The following TELO2 variants were observed in gnomAD, a reference collection of about 807,000 sequenced individuals.
TELO2 encodes the protein telomere length regulation protein TEL2 homolog.
A neutral mutation model predicts 91.0 loss-of-function variants in TELO2; 71 were observed. That is an observed-to-expected ratio of 0.78 (90% CI 0.64 to 0.95). The LOEUF is 0.95. Among genes scored for constraint, TELO2 ranks in the 40% least tolerant of loss-of-function variants. The probability of loss-of-function intolerance (pLI) is 0.00; values close to 1 mark genes in which losing one functional copy is unlikely to be tolerated. For missense variants in TELO2, 1,183 were observed against 1,141.3 expected, an observed-to-expected ratio of 1.04 and a Z score of -0.53; for synonymous variants, 584 against 518.9, an observed-to-expected ratio of 1.13 and a Z score of -1.71.
chr16:1,500,716 C>G lies in TELO2; in HGVS notation c.1281+17C>G, dbSNP rs755227841. 6.2e-7 allele frequency: 1 copy of G among 1,611,102 alleles called. No homozygotes were observed. Among genetic ancestry groups the G allele is most frequent in the Non-Finnish European group, 8.5e-7 (1 of 1,179,562 alleles). On this transcript the variant is annotated intron_variant, in intron 9 of 20. Coordinates refer to ENST00000262319, the MANE Select transcript of TELO2 (RefSeq NM_016111.4). ...AAATTCCAGGTGAGCGGGCCGTCCCCTCCGCGTCCCCGTGTGGCTGGCCCG... is the reference window on the plus strand; with the variant it reads ...AAATTCCAGGTGAGCGGGCCGTCCCGTCCGCGTCCCCGTGTGGCTGGCCCG...
chr16:1,501,076 T>A (rs2039660952), intron 9 of TELO2, among the ~76,000 whole-genome samples: 3 of 152,194 alleles, frequency 2.0e-5, no homozygotes, highest in Non-Finnish European at 1.5e-5. Flanking sequence ...GCCGGCTGCC[T>A]GGCCATGGAG....
chr16:1,497,619 C>A lies in TELO2; in HGVS notation c.830+111C>A. On this transcript the variant is annotated intron_variant, in intron 5 of 20. Coordinates refer to ENST00000262319, the MANE Select transcript of TELO2 (RefSeq NM_016111.4). The surrounding 1 kb of genome is among the most constrained non-coding windows in gnomAD (Gnocchi z 4.0). Reference sequence around the variant, plus strand: ...GGGCGCCGTGCTGCAGCTGGCACCCCCATGTAGGTGCCACAGGGTGTGGGT... The same window carrying A: ...GGGCGCCGTGCTGCAGCTGGCACCCACATGTAGGTGCCACAGGGTGTGGGT... 1.4e-6 allele frequency: 2 copies of A among 1,385,206 alleles called. No homozygotes were observed. Among genetic ancestry groups the A allele is most frequent in the Non-Finnish European group, 1.9e-6 (2 of 1,043,930 alleles). 85.8% of individuals were successfully genotyped at this position (1,385,206 alleles called of 1,614,324 possible).
chr16:1,509,502 G>A (rs1329457332), intron 20 of TELO2, among the ~76,000 whole-genome samples: 1 of 152,228 alleles, frequency 6.6e-6, no homozygotes, highest in African/African-American at 2.4e-5. Flanking sequence ...TTCCACCTCC[G>A]ACCACAGCCC....
chr16:1,499,118 G>T (rs2039588783), intron 5 of TELO2, 113 bp from the exon 6 acceptor site: 6 of 1,030,064 alleles, frequency 5.8e-6, no homozygotes, highest in Non-Finnish European at 8.9e-6. Flanking sequence ...CTCGTGGCTA[G>T]GAATTGGCAG....
rs79025904 is a variant in TELO2 at position 1,505,081 on chromosome 16, C to T, written c.1843-329C>T. On this transcript the variant is annotated intron_variant, in intron 15 of 20. Transcript: ENST00000262319. The surrounding 1 kb of genome is among the most constrained non-coding windows in gnomAD (Gnocchi z 4.3). ...CCGCCCGTGGCACGTGCCGCTGCAG[C>T]GTTGCTTTTGCTGTGAGGCCGACTT... 4.6e-3 allele frequency: 1,303 copies of T among 283,062 alleles called. 22 individuals are homozygous for T. The highest frequency in any genetic ancestry group is 0.026 in the African/African-American group (1,226 of 46,910). The allele number at this position is 283,062 out of a possible 1,614,324, so 17.5% of individuals were successfully genotyped here.
intron 3 of TELO2, among the ~76,000 whole-genome samples, chr16:1,496,063 G>A (rs770259624): frequency 3.3e-5 from 5 of 152,244 alleles, no homozygotes; most frequent in African/African-American, 7.2e-5. Context: ...TTTCACTAGC[G>A]AGAAGGAGGC....
At chr16:1,499,659 C>G (rs933250804) in intron 6 of TELO2, among the ~76,000 whole-genome samples, 6 of 152,088 alleles carry the variant, frequency 3.9e-5, no homozygotes, top group Admixed American at 2.6e-4. Context: ...TCGTGCATTT[C>G]CGGGACTTAT....
rs756336612 is a variant in TELO2, at chr16:1,494,248, C to A, written c.-34C>A. On this transcript the variant is annotated splice_region_variant and 5_prime_UTR_variant, in exon 2 of 21. Coordinates refer to ENST00000262319, the MANE Select transcript of TELO2 (RefSeq NM_016111.4). The surrounding 1 kb of genome is among the most constrained non-coding windows in gnomAD (Gnocchi z 5.6). ...TGAGCCCTGTGTCCATGTCACAGGT[C>A]GTCTTCCCGTGACGCCCAGATCTGT... The A allele has an allele frequency of 2.5e-6, 4 of 1,584,090 alleles. No individual in the cohort carries two copies. The South Asian group carries it at 3.3e-5, about 13-fold the overall frequency.
chr16:1,502,489 T>C, intron 13 of TELO2, 85 bp downstream of exon 13: 2 of 1,517,688 alleles, frequency 1.3e-6, no homozygotes. Flanking sequence ...GAGGGTGACA[T>C]ATGGCTCCCG....
chr16:1,496,764 C>T (rs2039507530), intron 3 of TELO2, among the ~76,000 whole-genome samples: 1 of 152,220 alleles, frequency 6.6e-6, no homozygotes, highest in Non-Finnish European at 1.5e-5. Flanking sequence ...TCTCCTTCCT[C>T]GGCAACATCA....
rs1460054392 is a variant in TELO2 at position 1,500,461 on chromosome 16, G to A, written c.1117G>A (p.Glu373Lys). ...CCTCATCTGCCTGGCGCAACTCGGG[G>A]AGCCGGAACTGCGGGACAGCCGGGA... ...AVLICLAQLG[E>K]PELRDSRDEL... is the part of the protein sequence containing the mutation. The change falls in exon 8 of 21, where the codon GAG becomes AAG. Residue 373 changes from glutamate (E) to lysine (K), a missense_variant. Transcript: ENST00000262319. 1.2e-6 allele frequency: 2 copies of A among 1,610,878 alleles called. No homozygotes were observed. Among genetic ancestry groups the A allele is most frequent in the African/African-American group, 2.7e-5 (2 of 75,038 alleles).
In TELO2 at chr16:1,493,436, A is replaced by G. The variant is rs920980100; in HGVS notation, c.-206A>G. On this transcript the variant is annotated 5_prime_UTR_variant, in exon 1 of 21. Coordinates refer to ENST00000262319, the MANE Select transcript of TELO2 (RefSeq NM_016111.4). The surrounding 1 kb of genome is among the most constrained non-coding windows in gnomAD (Gnocchi z 4.3). ...CGCGGAGACCCGCCCCAGAGGCTCAAGAAAACCCGCGGGAGCCTCGCCCGG... is the reference window on the plus strand; with the variant it reads ...CGCGGAGACCCGCCCCAGAGGCTCAGGAAAACCCGCGGGAGCCTCGCCCGG... The G allele has an allele frequency of 6.6e-6, 1 of 152,262 alleles. No homozygotes were observed. Among genetic ancestry groups the G allele is most frequent in the Non-Finnish European group, 1.5e-5 (1 of 68,046 alleles). The allele number at this position is 152,262 out of a possible 1,614,324, so 9.4% of individuals were successfully genotyped here. A position where few individuals can be genotyped will look rare whatever the true frequency, so the allele number is the denominator to read the frequency against.
intron 16 of TELO2, 69 bp from the exon 17 acceptor site, chr16:1,506,169 T>C: frequency 6.4e-7 from 1 of 1,551,598 alleles, no homozygotes; most frequent in Non-Finnish European, 8.8e-7. Context: ...TGGGATCCTC[T>C]CGGGCTAGGG....
At chr16:1,500,768 C>T in intron 9 of TELO2, 69 bp downstream of exon 9, 1 of 1,572,360 alleles carries the variant, frequency 6.4e-7, no homozygotes, top group Non-Finnish European at 8.6e-7. Flanking sequence ...GCCTCTCCAG[C>T]CCCAGGGTCA....
intron 15 of TELO2, among the ~76,000 whole-genome samples, chr16:1,503,573 C>T (rs1383905597): frequency 6.6e-6 from 1 of 152,234 alleles, no homozygotes; most frequent in Admixed American, 6.5e-5. Flanking sequence ...CTCTGATACG[C>T]ACTGCCACAC....
rs1004883909 is a variant in TELO2, at chr16:1,510,247, G to C, written c.*311G>C. The C allele has an allele frequency of 3.3e-5, 13 of 399,132 alleles. No homozygotes were observed. The highest frequency in any genetic ancestry group is 2.7e-4 in the African/African-American group (13 of 48,496). The allele number at this position is 399,132 out of a possible 1,614,324, so 24.7% of individuals were successfully genotyped here. A position where few individuals can be genotyped will look rare whatever the true frequency, so the allele number is the denominator to read the frequency against. ...CAGGCTGGCAGGAGGGGAGGACGGTGTACCTGCTGCTCAGAGCCCCCAAGG... is the reference window on the plus strand; with the variant it reads ...CAGGCTGGCAGGAGGGGAGGACGGTCTACCTGCTGCTCAGAGCCCCCAAGG... On this transcript the variant is annotated 3_prime_UTR_variant, in exon 21 of 21. Transcript: ENST00000262319.
chr16:1,504,408 T>C (rs1245498849), intron 15 of TELO2, among the ~76,000 whole-genome samples: 1 of 92,488 alleles, frequency 1.1e-5, no homozygotes, highest in East Asian at 3.7e-4. Context: ...CACTCCAGAC[T>C]GGGCGACAGA....
In TELO2 at chr16:1,500,595, T is replaced by C. The variant is rs1056022419; in HGVS notation, c.1177T>C (p.Cys393Arg). The change falls in exon 9 of 21, where the codon TGC becomes CGC. Residue 393 changes from cysteine (C) to arginine (R), a missense_variant. Transcript: ENST00000262319. ...GGCCAGCATGATGGCGGGCGTGAAG[T>C]GCCGCCTGGACAGTAGCCTGCCCCC... is the stretch of plus-strand genomic sequence containing the variant. Reference protein sequence around the residue: ...LLASMMAGVKCRLDSSLPPVR... With the variant: ...LLASMMAGVKRRLDSSLPPVR... 4 of 1,611,888 alleles carry C rather than the reference T, an allele frequency of 2.5e-6. No homozygotes were observed. Among genetic ancestry groups the C allele is most frequent in the East Asian group, 2.2e-5 (1 of 44,872 alleles).
At position 1,508,421 on chromosome 16, in the gene TELO2, G is replaced by A. The variant is rs990298894; in HGVS notation, c.2407+705G>A. ...GCTGGGATTACAGGCGTGAGCCACC[G>A]CGCCCGGCCAGTCCCAGCACCTTTT... On this transcript the variant is annotated intron_variant, in intron 20 of 20. Coordinates refer to ENST00000262319, the MANE Select transcript of TELO2 (RefSeq NM_016111.4). Among the ~76,000 whole-genome samples, 2 of 152,228 alleles carry A rather than the reference G, an allele frequency of 1.3e-5. 1 individual carries two copies. Among genetic ancestry groups the A allele is most frequent in the South Asian group, 4.1e-4 (2 of 4,834 alleles).
Sources: allele counts gnomAD v4.1 joint callset (sites outside exome capture counted in the v4.1 genomes callset), GRCh38; gene constraint gnomAD v4.1.1; non-coding constraint Gnocchi (gnomAD v3.1); transcripts MANE v1.5; gene names NCBI Gene and HGNC (gene_info 2026-07-23, HGNC 2026-07-21).